Variants in LRRIQ4 observed in about 807,000 individuals in gnomAD.
LRRIQ4 encodes leucine-rich repeat and IQ domain-containing protein 4.
Under a neutral mutation model 40.1 loss-of-function variants are expected in LRRIQ4, and 21 were observed. That is an observed-to-expected ratio of 0.52 (90% CI 0.37 to 0.75). LRRIQ4 has a LOEUF of 0.75. LRRIQ4 is among the 30% of genes least tolerant of loss of function. LRRIQ4 has a pLI of 0.00. For missense variants in LRRIQ4, 655 were observed against 660.0 expected, an observed-to-expected ratio of 0.99 and a Z score of 0.08; for synonymous variants, 277 against 277.1, an observed-to-expected ratio of 1.00 and a Z score of 0.00.
At chr3:169,833,430 C>A (rs1428136151) in intron 5 of LRRIQ4, among the ~76,000 whole-genome samples, 1 of 152,148 alleles carries the variant, frequency 6.6e-6, no homozygotes, top group Non-Finnish European at 1.5e-5. Context: ...CAAAGGAAAC[C>A]AAAACTTCAA....
chr3:169,832,045 C>A (rs1270815480), intron 4 of LRRIQ4, among the ~76,000 whole-genome samples: 2 of 151,834 alleles, frequency 1.3e-5, no homozygotes, highest in African/African-American at 2.4e-5. Context: ...CTTAGTAATG[C>A]TCCTGACCAT....
intron 5 of LRRIQ4, 71 bp downstream of exon 5, chr3:169,833,254 T>A: frequency 7.5e-7 from 1 of 1,326,052 alleles, no homozygotes; most frequent in Middle Eastern, 2.0e-4. Flanking sequence ...GTACAGATTA[T>A]CCTACGGAGC....
chr3:169,821,570 G>A (rs909641259), intron 1 of LRRIQ4, among the ~76,000 whole-genome samples: 5 of 151,650 alleles, frequency 3.3e-5, no homozygotes, highest in Non-Finnish European at 4.4e-5. Context: ...AGCCCAGGAG[G>A]CGGAGGTTGT....
In LRRIQ4 at chr3:169,830,555, A is replaced by C; in HGVS notation, c.1258A>C (p.Met420Leu). The C allele has an allele frequency of 6.2e-7, 1 of 1,613,552 alleles. No homozygotes were observed. Among genetic ancestry groups the C allele is most frequent in the South Asian group, 1.1e-5 (1 of 90,958 alleles). ...GTACCTGCCCGTATCCTTGGGGTCA[A>C]TGCCTAACCTAGAAGTTCTTGATTG... ...LEYLPVSLGS[M>L]PNLEVLDCRH... The change falls in exon 4 of 6, where the codon ATG (methionine) becomes CTG (leucine). Residue 420 changes from methionine (M) to leucine (L), a missense_variant. Met to Leu is a conservative substitution (Grantham distance 15, BLOSUM62 2). Coordinates refer to ENST00000340806, the MANE Select transcript of LRRIQ4 (RefSeq NM_001080460.3).
intron 2 of LRRIQ4, among the ~76,000 whole-genome samples, chr3:169,827,384 G>A (rs1489718217): frequency 6.6e-6 from 1 of 152,066 alleles, no homozygotes; most frequent in Non-Finnish European, 1.5e-5. Flanking sequence ...TAGGCGGGCG[G>A]ACCACGAGGT....
At chr3:169,831,189 C>A (rs1272824271) in intron 4 of LRRIQ4, among the ~76,000 whole-genome samples, 1 of 150,808 alleles carries the variant, frequency 6.6e-6, no homozygotes, top group African/African-American at 2.4e-5. Context: ...CCCACTGGGA[C>A]CAGATTTTAA....
At chr3:169,831,549 A>G (rs1245599104) in intron 4 of LRRIQ4, among the ~76,000 whole-genome samples, 1 of 128,364 alleles carries the variant, frequency 7.8e-6, no homozygotes, top group Non-Finnish European at 1.6e-5. Flanking sequence ...TGATCTGCCC[A>G]CCTTGGCCTC....
Position 169,822,490 on chromosome 3 carries a change from T to G in LRRIQ4, c.569T>G (p.Leu190Arg), listed in dbSNP as rs1237113627. Reference sequence around the variant, plus strand: ...CAGGAGCTCTGTGTTCTCTACACCCTGGAAATCATTGACCTGGACGAGAAC... The same window carrying G: ...CAGGAGCTCTGTGTTCTCTACACCCGGGAAATCATTGACCTGGACGAGAAC... ...FPQELCVLYT[L>R]EIIDLDENKI... Residue 190 changes from leucine to arginine, a missense_variant, in exon 2 of 6, where the codon CTG becomes CGG. Coordinates refer to ENST00000340806, the MANE Select transcript of LRRIQ4 (RefSeq NM_001080460.3). 2.5e-6 allele frequency: 4 copies of G among 1,614,022 alleles called. No homozygotes were observed. Among genetic ancestry groups the G allele is most frequent in the Non-Finnish European group, 3.4e-6 (4 of 1,179,894 alleles).
intron 5 of LRRIQ4, among the ~76,000 whole-genome samples, chr3:169,835,432 G>C (rs1454556966): frequency 1.3e-5 from 2 of 150,880 alleles, no homozygotes; most frequent in African/African-American, 4.9e-5. Flanking sequence ...ATGCACCATA[G>C]TAAGATTCAG....
chr3:169,816,474 A>G (rs537337787), intron 1 of LRRIQ4, among the ~76,000 whole-genome samples: 82 of 152,168 alleles, frequency 5.4e-4, no homozygotes, highest in Non-Finnish European at 9.9e-4. Context: ...TTTCTACTGT[A>G]TCAGTTGTAA....
At chr3:169,830,741 G>A in intron 4 of LRRIQ4, 111 bp downstream of exon 4, 1 of 1,328,440 alleles carries the variant, frequency 7.5e-7, no homozygotes, top group Non-Finnish European at 1.0e-6. Context: ...AGAGAACTGA[G>A]TCTATCCCAT....
At chr3:169,826,072 T>G (rs1364181116) in intron 2 of LRRIQ4, among the ~76,000 whole-genome samples, 1 of 152,160 alleles carries the variant, frequency 6.6e-6, no homozygotes, top group African/African-American at 2.4e-5. Flanking sequence ...TAGATGGATT[T>G]TATTTGTAGA....
chr3:169,832,990 T>G lies in LRRIQ4; in HGVS notation c.1337T>G (p.Leu446Trp). ...LPDAICQAQALKELRLEDNLL... is the reference protein window; with the variant it reads ...LPDAICQAQAWKELRLEDNLL... ...CATTACGAAAAAATCTTTTCAGCTT[T>G]GAAAGAATTACGGCTGGAGGACAAC... Residue 446 changes from leucine to tryptophan, a missense_variant, in exon 5 of 6, where the codon TTG becomes TGG. By Grantham distance (61) the Leu-to-Trp change is moderately conservative. Coordinates refer to ENST00000340806, the MANE Select transcript of LRRIQ4 (RefSeq NM_001080460.3). 6.2e-7 allele frequency: 1 copy of G among 1,608,468 alleles called. No individual in the cohort carries two copies. The highest frequency in any genetic ancestry group is 8.5e-7 in the Non-Finnish European group (1 of 1,178,372).
chr3:169,837,169 T>C (rs1226986412), intron 5 of LRRIQ4, among the ~76,000 whole-genome samples: 1 of 152,216 alleles, frequency 6.6e-6, no homozygotes, highest in African/African-American at 2.4e-5. Context: ...AAATTGAACA[T>C]TCATGTGTTT....
At chr3:169,815,278 C>T (rs1268595662) in intron 1 of LRRIQ4, among the ~76,000 whole-genome samples, 2 of 152,052 alleles carry the variant, frequency 1.3e-5, no homozygotes, top group South Asian at 4.1e-4. Flanking sequence ...CATAAAATAT[C>T]TTTCCTTTTT....
At chr3:169,828,373 T>C (rs964340728) in intron 2 of LRRIQ4, among the ~76,000 whole-genome samples, 2 of 152,116 alleles carry the variant, frequency 1.3e-5, no homozygotes, top group African/African-American at 4.8e-5. Context: ...GCTGGGATTA[T>C]AGGCACCCGC....
chr3:169,821,883 T>C lies in LRRIQ4; in HGVS notation c.-31-8T>C. On this transcript the variant is annotated splice_polypyrimidine_tract_variant and splice_region_variant and intron_variant, in intron 1 of 5. Coordinates refer to ENST00000340806, the MANE Select transcript of LRRIQ4 (RefSeq NM_001080460.3). Reference sequence around the variant, plus strand: ...CTATTTTTTTTCATCCTTTTCACAATATTTCAGATTTTGAATATTTGAGCT... The same window carrying C: ...CTATTTTTTTTCATCCTTTTCACAACATTTCAGATTTTGAATATTTGAGCT... 7.5e-7 allele frequency: 1 copy of C among 1,329,892 alleles called. No individual in the cohort carries two copies. The highest frequency in any genetic ancestry group is 9.9e-7 in the Non-Finnish European group (1 of 1,012,112). 82.4% of individuals were successfully genotyped at this position (1,329,892 alleles called of 1,614,324 possible). A position where few individuals can be genotyped will look rare whatever the true frequency, so the allele number is the denominator to read the frequency against.
intron 1 of LRRIQ4, among the ~76,000 whole-genome samples, chr3:169,815,795 G>A (rs556305957): frequency 1.5e-4 from 23 of 152,260 alleles, no homozygotes; most frequent in Middle Eastern, 3.4e-3. Context: ...GGTTTTTATC[G>A]TGTTGAGGTA....
rs56795981 is a variant in LRRIQ4, at chr3:169,830,377, G to GAAAAAAAAAAAAA, written c.1195-95_1195-83dup. The stretch of plus-strand genomic sequence containing the variant: ...AATGCGTAATTTCCCCACTGAAAGT[G>GAAAAAAAAAAAAA]AAAAAAAAAAAAAAAAAAAAAAAAA... On this transcript the variant is annotated intron_variant, in intron 3 of 5. Transcript: ENST00000340806. 283 of 106,636 alleles carry GAAAAAAAAAAAAA rather than the reference G, an allele frequency of 2.7e-3. 90 individuals are homozygous for GAAAAAAAAAAAAA. Among genetic ancestry groups the GAAAAAAAAAAAAA allele is most frequent in the East Asian group, 8.8e-3 (22 of 2,496 alleles). 6.6% of individuals were successfully genotyped at this position (106,636 alleles called of 1,614,324 possible).
Sources: gnomAD v4.1 joint callset for allele counts (sites outside exome capture counted in the v4.1 genomes callset) on GRCh38, gnomAD v4.1.1 for gene constraint, MANE v1.5 for transcripts, NCBI Gene and HGNC (gene_info 2026-07-23, HGNC 2026-07-21) for gene names.